The following TP63 variants were observed in gnomAD, a reference collection of about 807,000 sequenced individuals.
The protein encoded by TP63 is tumor protein p63, also known as tumor protein 63.
TP63 carries 17 observed loss-of-function variants against 82.8 expected under a neutral mutation model. The ratio of observed to expected loss-of-function variants is 0.21; its 90% CI spans 0.14 to 0.31. The LOEUF is 0.31. Ranked by LOEUF, TP63 falls within the 10% of genes least tolerant of loss-of-function variation. The pLI is 1.00. For synonymous variants in TP63, 330 were observed against 321.7 expected, an observed-to-expected ratio of 1.03 and a Z score of -0.28; for missense variants, 648 against 895.3, an observed-to-expected ratio of 0.72 and a Z score of 3.52.
chr3:189,725,938 C>A (rs1308350947), intron 1 of TP63, among the ~76,000 whole-genome samples: 1 of 151,998 alleles, frequency 6.6e-6, no homozygotes, highest in Non-Finnish European at 1.5e-5. Context: ...ACCTGTAATC[C>A]CAGCTACTTG....
At chr3:189,778,347 A>G (rs139169794) in intron 3 of TP63, among the ~76,000 whole-genome samples, 54 of 152,356 alleles carry the variant, frequency 3.5e-4, no homozygotes, top group African/African-American at 1.2e-3. Context: ...AGTTTGATGT[A>G]TCAATAAAAT....
intron 4 of TP63, among the ~76,000 whole-genome samples, chr3:189,814,807 G>A (rs1397718717): frequency 2.6e-5 from 4 of 152,182 alleles, no homozygotes; most frequent in African/African-American, 9.7e-5. Context: ...CTAGGTTAAC[G>A]TATTCGTGAT....
At chr3:189,716,547 C>T (rs1718972211) in intron 1 of TP63, among the ~76,000 whole-genome samples, 1 of 152,204 alleles carries the variant, frequency 6.6e-6, no homozygotes, top group Non-Finnish European at 1.5e-5. Flanking sequence ...AGGAAATTTT[C>T]AGCTTTCACA....
At chr3:189,833,437 C>T (rs998438061) in intron 4 of TP63, among the ~76,000 whole-genome samples, 1 of 152,170 alleles carries the variant, frequency 6.6e-6, no homozygotes. Flanking sequence ...CACCTCTTAC[C>T]CAAAGAATGC....
At chr3:189,714,925 A>C (rs751400810) in intron 1 of TP63, among the ~76,000 whole-genome samples, 2 of 152,204 alleles carry the variant, frequency 1.3e-5, no homozygotes, top group Non-Finnish European at 2.9e-5. Context: ...GAGAAACAGT[A>C]CTGTACGTTC....
intron 4 of TP63, among the ~76,000 whole-genome samples, chr3:189,848,269 C>CTCTCTCTCTCTCTT (rs1345114928): frequency 6.6e-6 from 1 of 150,548 alleles, no homozygotes; most frequent in East Asian, 1.9e-4. Flanking sequence ...CTCTCTCTCT[C>CTCTCTCTCTCTCTT]TGTTGCCTAG....
the TP63 span, among the ~76,000 whole-genome samples, chr3:189,598,960 G>A: frequency 6.6e-6 from 1 of 152,176 alleles, no homozygotes; most frequent in African/African-American, 2.4e-5. Context: ...GCGTAACTGC[G>A]AAGGCTTTTT....
chr3:189,842,572 G>A (rs532363398), intron 4 of TP63, among the ~76,000 whole-genome samples: 1 of 151,928 alleles, frequency 6.6e-6, no homozygotes, highest in Non-Finnish European at 1.5e-5. Flanking sequence ...GAATGTCCAG[G>A]TTTGTTTTAT....
chr3:189,618,612 G>C, the TP63 span, among the ~76,000 whole-genome samples: 1 of 152,098 alleles, frequency 6.6e-6, no homozygotes, highest in Non-Finnish European at 1.5e-5. Flanking sequence ...AACAGTCCCA[G>C]GTCTATGACC....
At chr3:189,634,357 A>T (rs1427473757) in intron 1 of TP63, among the ~76,000 whole-genome samples, 6 of 152,106 alleles carry the variant, frequency 3.9e-5, no homozygotes, top group Non-Finnish European at 7.4e-5. Context: ...ATAGAAAAAA[A>T]AATGACAGAT....
chr3:189,789,951 A>T (rs1724967608), intron 3 of TP63: 17 of 1,075,842 alleles, frequency 1.6e-5, no homozygotes, highest in Non-Finnish European at 2.0e-5. Context: ...AATGTTTTGC[A>T]AATTGTATAT....
At chr3:189,866,433 C>T (rs368616875) in intron 5 of TP63, among the ~76,000 whole-genome samples, 7 of 152,114 alleles carry the variant, frequency 4.6e-5, no homozygotes, top group East Asian at 3.8e-4. Context: ...TAATCTTAAA[C>T]TCCAAATTAT....
At chr3:189,823,713 C>T (rs1729038650) in intron 4 of TP63, among the ~76,000 whole-genome samples, 1 of 152,092 alleles carries the variant, frequency 6.6e-6, no homozygotes, top group Non-Finnish European at 1.5e-5. Context: ...CTCCCTAGTG[C>T]CTCAGTTTTC....
At chr3:189,776,717 C>A (rs1285969732) in intron 3 of TP63, among the ~76,000 whole-genome samples, 1 of 152,156 alleles carries the variant, frequency 6.6e-6, no homozygotes, top group Admixed American at 6.5e-5. Context: ...TTGAAAGAAA[C>A]AAGAGTGTAG....
chr3:189,637,765 C>T (rs796857866), intron 1 of TP63, among the ~76,000 whole-genome samples: 29 of 152,196 alleles, frequency 1.9e-4, no homozygotes, highest in African/African-American at 6.5e-4. Flanking sequence ...TCCTAATCCT[C>T]AGAACCTGTG....
At chr3:189,875,235 C>T (rs1486609749) in intron 10 of TP63, among the ~76,000 whole-genome samples, 4 of 151,662 alleles carry the variant, frequency 2.6e-5, no homozygotes, top group African/African-American at 7.3e-5. Flanking sequence ...TTTCACATGC[C>T]GTGAAATATT....
chr3:189,603,575 T>C, the TP63 span, among the ~76,000 whole-genome samples: 1 of 146,720 alleles, frequency 6.8e-6, no homozygotes, highest in Non-Finnish European at 1.5e-5. Flanking sequence ...TGCCAGGAAC[T>C]ACCGGACACC....
intron 10 of TP63, 143 bp downstream of exon 10, chr3:189,873,138 C>T: frequency 7.8e-7 from 1 of 1,284,134 alleles, no homozygotes; most frequent in Admixed American, 1.7e-5. Context: ...TATGGCAACC[C>T]TCTTTCAGTT....
the TP63 span, among the ~76,000 whole-genome samples, chr3:189,616,355 A>C: frequency 6.6e-6 from 1 of 152,188 alleles, no homozygotes; most frequent in Non-Finnish European, 1.5e-5. Context: ...TCTCCACAAC[A>C]AGCTAACACT....
Sources: gnomAD v4.1 joint callset for allele counts (sites outside exome capture counted in the v4.1 genomes callset) on GRCh38, gnomAD v4.1.1 for gene constraint, MANE v1.5 for transcripts, NCBI Gene and HGNC (gene_info 2026-07-23, HGNC 2026-07-21) for gene names.